Variants in TOR1B observed in about 807,000 individuals in gnomAD.
TOR1B encodes the protein torsin family 1 member B, also known as torsin-1B.
Under a neutral mutation model 29.2 loss-of-function variants are expected in TOR1B, and 14 were observed. The ratio of observed to expected loss-of-function variants is 0.48; its 90% CI spans 0.32 to 0.75. TOR1B has a LOEUF of 0.75. Among genes scored for constraint, TOR1B ranks in the 30% least tolerant of loss-of-function variants. The pLI is 0.04. For synonymous variants in TOR1B, 166 were observed against 179.8 expected (o/e 0.92, Z 0.62); for missense variants, 400 against 433.9 (o/e 0.92, Z 0.69).
At position 129,810,696 on chromosome 9, in the gene TOR1B, TG is replaced by T. The variant is rs2030816648; in HGVS notation, c.*1114del. On this transcript the variant is annotated 3_prime_UTR_variant, in exon 5 of 5. Coordinates refer to ENST00000259339, the MANE Select transcript of TOR1B (RefSeq NM_014506.3). ...CTAGGATGTGCTTGTTCTGGAAGGA[TG>T]ACATGGGCCCAGACTGAACAAGTCA... The T allele has an allele frequency of 6.0e-6, 1 of 167,906 alleles. No individual in the cohort carries two copies. Among genetic ancestry groups the T allele is most frequent in the Admixed American group, 5.9e-5 (1 of 17,010 alleles). The allele number at this position is 167,906 out of a possible 1,614,324, so 10.4% of individuals were successfully genotyped here. A position where few individuals can be genotyped will look rare whatever the true frequency, so the allele number is the denominator to read the frequency against.
At position 129,811,214 on chromosome 9, in the gene TOR1B, G is replaced by A. The variant is rs2030851370; in HGVS notation, c.*1631G>A. On this transcript the variant is annotated 3_prime_UTR_variant, in exon 5 of 5. Coordinates refer to ENST00000259339, the MANE Select transcript of TOR1B (RefSeq NM_014506.3). ...TTATACTTCTTTTATAACCTTTTGGGCATCTGGTCGAGAGAAGACAAGATT... is the reference window on the plus strand; with the variant it reads ...TTATACTTCTTTTATAACCTTTTGGACATCTGGTCGAGAGAAGACAAGATT... 1 of 151,686 alleles carries A rather than the reference G, an allele frequency of 6.6e-6. No homozygotes were observed. The highest frequency in any genetic ancestry group is 2.4e-5 in the African/African-American group (1 of 41,274). 9.4% of individuals were successfully genotyped at this position (151,686 alleles called of 1,614,324 possible).
In TOR1B at chr9:129,808,543, CTTT is replaced by C. The variant is rs763409733; in HGVS notation, c.642-341_642-339del. Among the ~76,000 whole-genome samples the C allele has an allele frequency of 6.9e-3, 536 of 77,774 alleles. 2 individuals are homozygous for C. The highest frequency in any genetic ancestry group is 0.019 in the East Asian group (41 of 2,210). The allele number at this position is 77,774 out of a possible 152,430, so 51.0% of individuals were successfully genotyped here. ...TCATTTCTTGGTAAGACACAGAAGT[CTTT>C]TTTTTTTTTTTTTTTTTTTTGAGAC... On this transcript the variant is annotated intron_variant, in intron 3 of 4. Coordinates refer to ENST00000259339, the MANE Select transcript of TOR1B (RefSeq NM_014506.3).
At chr9:129,807,447 T>G (rs2030562046) in intron 3 of TOR1B, 84 bp downstream of exon 3, 1 of 1,537,958 alleles carries the variant, frequency 6.5e-7, no homozygotes, top group African/African-American at 1.4e-5. Flanking sequence ...ATCAGCACTT[T>G]GTTTACCAGG....
In TOR1B at chr9:129,803,212, G is replaced by T. The variant is rs551922485; in HGVS notation, c.-1G>T. The T allele has an allele frequency of 4.7e-6, 7 of 1,485,722 alleles. No individual in the cohort carries two copies. In the African/African-American group the frequency reaches 8.7e-5, roughly 18 times the overall value. The allele number at this position is 1,485,722 out of a possible 1,614,324, so 92.0% of individuals were successfully genotyped here. On this transcript the variant is annotated 5_prime_UTR_variant, in exon 1 of 5. Transcript: ENST00000259339. ...GGCTTCTGCGGGCTTCGAGGAGCGG[G>T]ATGTTGCGGGCTGGGTGGCTCCGGG... is the stretch of plus-strand genomic sequence containing the variant.
At position 129,804,114 on chromosome 9, in the gene TOR1B, C is replaced by G; in HGVS notation, c.241C>G (p.Leu81Val). ...DLEEKLFGQH[L>V]ATEVIFKALT... ...GGAGGAGAAGCTGTTTGGACAGCAT[C>G]TAGCCACGGAAGTGATTTTCAAGGC... Residue 81 changes from leucine to valine, a missense_variant, in exon 2 of 5, where the codon CTA becomes GTA. Transcript: ENST00000259339. 6.2e-7 allele frequency: 1 copy of G among 1,614,194 alleles called. No individual in the cohort carries two copies. The highest frequency in any genetic ancestry group is 8.5e-7 in the Non-Finnish European group (1 of 1,180,032).
At chr9:129,804,761 C>T (rs2030372511) in intron 2 of TOR1B, among the ~76,000 whole-genome samples, 1 of 145,944 alleles carries the variant, frequency 6.9e-6, no homozygotes, top group Non-Finnish European at 1.5e-5. Context: ...ACTTGGGAGG[C>T]TGAGGCAGGA....
At chr9:129,806,901 A>G (rs2030514727) in intron 2 of TOR1B, among the ~76,000 whole-genome samples, 1 of 152,148 alleles carries the variant, frequency 6.6e-6, no homozygotes, top group African/African-American at 2.4e-5. Context: ...CAAAAAAGAG[A>G]AGAAAAGAAT....
At chr9:129,804,882 T>C (rs1013653849) in intron 2 of TOR1B, among the ~76,000 whole-genome samples, 2 of 147,366 alleles carry the variant, frequency 1.4e-5, no homozygotes, top group African/African-American at 5.1e-5. Context: ...CTCACGCCTG[T>C]AATCCCAGCA....
Position 129,810,535 on chromosome 9 carries a change from A to G in TOR1B, c.*952A>G, listed in dbSNP as rs1475856966. 1.4e-5 allele frequency: 10 copies of G among 726,810 alleles called. No homozygotes were observed. Among genetic ancestry groups the G allele is most frequent in the Middle Eastern group, 6.2e-4 (1 of 1,616 alleles). The allele number at this position is 726,810 out of a possible 1,614,324, so 45.0% of individuals were successfully genotyped here. A position where few individuals can be genotyped will look rare whatever the true frequency, so the allele number is the denominator to read the frequency against. On this transcript the variant is annotated 3_prime_UTR_variant, in exon 5 of 5. Coordinates refer to ENST00000259339, the MANE Select transcript of TOR1B (RefSeq NM_014506.3). Reference sequence around the variant, plus strand: ...TTGGATCTCTGCTAGAGTCCCCCCAACCATATATCATAGAGTTGAATCACA... The same window carrying G: ...TTGGATCTCTGCTAGAGTCCCCCCAGCCATATATCATAGAGTTGAATCACA...
chr9:129,809,582 GAGCTCCTATCCAGATGGGGTAGGAGAC>G lies in TOR1B; in HGVS notation c.*4_*30del. 6.2e-7 allele frequency: 1 copy of G among 1,614,190 alleles called. No individual in the cohort carries two copies. Among genetic ancestry groups the G allele is most frequent in the South Asian group, 1.1e-5 (1 of 91,068 alleles). ...GTGCAGTCGCGGCTGGATTTCCACTGAGCTCCTATCCAGATGGGGTAGGAGACAGCTGGGAGGCTCCGCACGCCAGAG... is the reference window on the plus strand; with the variant it reads ...GTGCAGTCGCGGCTGGATTTCCACTGAGCTGGGAGGCTCCGCACGCCAGAG... On this transcript the variant is annotated stop_retained_variant and 3_prime_UTR_variant, in exon 5 of 5. Transcript: ENST00000259339.
intron 2 of TOR1B, among the ~76,000 whole-genome samples, chr9:129,806,892 A>G (rs2030513037): frequency 6.6e-6 from 1 of 152,042 alleles, no homozygotes; most frequent in African/African-American, 2.4e-5. Context: ...TTCCAAAGAC[A>G]AAAAAGAGAA....
rs761039008 is a variant in TOR1B at position 129,803,196 on chromosome 9, G to A, written c.-17G>A. On this transcript the variant is annotated 5_prime_UTR_variant, in exon 1 of 5. Transcript: ENST00000259339. ...GGGCGCCTGGCTCAGTGGCTTCTGC[G>A]GGCTTCGAGGAGCGGGATGTTGCGG... 6 of 1,444,752 alleles carry A rather than the reference G, an allele frequency of 4.2e-6. No individual in the cohort carries two copies. The highest frequency in any genetic ancestry group is 2.5e-5 in the Admixed American group (1 of 39,746). 89.5% of individuals were successfully genotyped at this position (1,444,752 alleles called of 1,614,324 possible).
Position 129,803,288 on chromosome 9 carries a change from G to A in TOR1B, c.76G>A (p.Glu26Lys), listed in dbSNP as rs749835044. The change falls in exon 1 of 5, where the codon GAG becomes AAG. Residue 26 changes from glutamate to lysine, a missense_variant. By Grantham distance (56) the Glu-to-Lys change is moderately conservative. Coordinates refer to ENST00000259339, the MANE Select transcript of TOR1B (RefSeq NM_014506.3). ...LLAARVVAAF[E>K]PITVGLAIGA... Reference sequence around the variant, plus strand: ...GGCGGCCCGAGTGGTGGCGGCGTTCGAGCCCATCACCGTGGGCCTAGCCAT... The same window carrying A: ...GGCGGCCCGAGTGGTGGCGGCGTTCAAGCCCATCACCGTGGGCCTAGCCAT... The A allele has an allele frequency of 1.0e-5, 16 of 1,577,042 alleles. No homozygotes were observed. The highest frequency in any genetic ancestry group is 1.1e-5 in the Non-Finnish European group (13 of 1,166,064).
intron 2 of TOR1B, 56 bp downstream of exon 2, chr9:129,804,394 C>T (rs1429849525): frequency 2.5e-6 from 4 of 1,587,174 alleles, no homozygotes; most frequent in East Asian, 2.2e-5. Flanking sequence ...TCCGGGTGAC[C>T]TGCTCACTAA....
chr9:129,806,818 G>A (rs1366894976), intron 2 of TOR1B, among the ~76,000 whole-genome samples: 1 of 152,208 alleles, frequency 6.6e-6, no homozygotes, highest in African/African-American at 2.4e-5. Context: ...CCAAGAGGCA[G>A]AGGTTGCAGT....
At position 129,810,328 on chromosome 9, in the gene TOR1B, A is replaced by G; in HGVS notation, c.*745A>G. On this transcript the variant is annotated 3_prime_UTR_variant, in exon 5 of 5. Coordinates refer to ENST00000259339, the MANE Select transcript of TOR1B (RefSeq NM_014506.3). ...GTGCCCGCCGAGCACTCTTGATCTG[A>G]GCTGACCTGTGTGTGTGTGTGTGGG... 1.2e-5 allele frequency: 14 copies of G among 1,205,562 alleles called. No homozygotes were observed. The highest frequency in any genetic ancestry group is 1.1e-4 in the South Asian group (8 of 74,772). 74.7% of individuals were successfully genotyped at this position (1,205,562 alleles called of 1,614,324 possible). A position where few individuals can be genotyped will look rare whatever the true frequency, so the allele number is the denominator to read the frequency against.
chr9:129,807,082 A>G (rs553847468), intron 2 of TOR1B, 106 bp from the exon 3 acceptor site: 49 of 1,091,896 alleles, frequency 4.5e-5, no homozygotes, highest in Non-Finnish European at 6.2e-5. Context: ...CCATTCTAAG[A>G]GCTCTGACCT....
At position 129,810,235 on chromosome 9, in the gene TOR1B, G is replaced by C. The variant is rs1412282487; in HGVS notation, c.*652G>C. The C allele has an allele frequency of 7.7e-7, 1 of 1,304,028 alleles. No homozygotes were observed. Among genetic ancestry groups the C allele is most frequent in the African/African-American group, 1.5e-5 (1 of 65,828 alleles). 80.8% of individuals were successfully genotyped at this position (1,304,028 alleles called of 1,614,324 possible). A position where few individuals can be genotyped will look rare whatever the true frequency, so the allele number is the denominator to read the frequency against. On this transcript the variant is annotated 3_prime_UTR_variant, in exon 5 of 5. Coordinates refer to ENST00000259339, the MANE Select transcript of TOR1B (RefSeq NM_014506.3). ...TCTCGTTCTTTACACAGAGTTCACT[G>C]ACTTGAAGTATACTCAGTTAAAATC...
intron 2 of TOR1B, among the ~76,000 whole-genome samples, chr9:129,806,634 T>G: frequency 6.6e-6 from 1 of 152,154 alleles, no homozygotes; most frequent in East Asian, 1.9e-4. Context: ...CTCAGCACTT[T>G]GGGAGGGTGA....
Sources: gnomAD v4.1 joint callset for allele counts (sites outside exome capture counted in the v4.1 genomes callset) on GRCh38, gnomAD v4.1.1 for gene constraint, MANE v1.5 for transcripts, NCBI Gene and HGNC (gene_info 2026-07-23, HGNC 2026-07-21) for gene names.